The following EPS8 variants were observed in gnomAD, a reference collection of about 807,000 sequenced individuals.
EPS8 encodes EGFR pathway substrate 8, signaling adaptor, also known as epidermal growth factor receptor kinase substrate 8.
Under a neutral mutation model 103.8 loss-of-function variants are expected in EPS8, and 42 were observed. The ratio of observed to expected loss-of-function variants is 0.40; its 90% CI spans 0.32 to 0.52. The LOEUF is 0.52. EPS8 is among the 20% of genes least tolerant of loss of function. The probability of loss-of-function intolerance (pLI) is 0.40; values close to 1 mark genes in which losing one functional copy is unlikely to be tolerated. For missense variants in EPS8, 969 were observed against 1,005.1 expected, an observed-to-expected ratio of 0.96 and a Z score of 0.49; for synonymous variants, 344 against 344.6, an observed-to-expected ratio of 1.00 and a Z score of 0.02.
At chr12:15,670,025 T>C (rs1327975657) in intron 4 of EPS8, among the ~76,000 whole-genome samples, 200 bp from the exon 5 acceptor site, 1 of 152,198 alleles carries the variant, frequency 6.6e-6, no homozygotes, top group African/African-American at 2.4e-5. Flanking sequence ...GAAGAAATGG[T>C]GTTTTGACTC....
chr12:15,667,807 T>C (rs1462934689), intron 6 of EPS8, among the ~76,000 whole-genome samples: 3 of 152,114 alleles, frequency 2.0e-5, no homozygotes, highest in Non-Finnish European at 2.9e-5. Flanking sequence ...AATGAGTAAA[T>C]GCATACAGTG....
intron 1 of EPS8, among the ~76,000 whole-genome samples, chr12:15,689,660 T>C (rs1946145542): frequency 6.6e-6 from 1 of 152,248 alleles, no homozygotes; most frequent in Non-Finnish European, 1.5e-5. Context: ...AAACCCTCTC[T>C]GTTAGCTATT....
chr12:15,654,287 G>T lies in EPS8; in HGVS notation c.1108C>A (p.Gln370Lys). Residue 370 changes from glutamine to lysine, a missense_variant, in exon 13 of 21, where the codon CAG becomes AAG. Gln to Lys is a moderately conservative substitution (Grantham distance 53, BLOSUM62 1). Transcript: ENST00000281172. ...GCTAGTTCAGGACCTCCTGTTGCCT[G>T]CACCACCTAAGATAATAAACCATTT... Reference protein sequence around the residue: ...FLFTPLNMVVQATGGPELASS... With the variant: ...FLFTPLNMVVKATGGPELASS... 6.2e-7 allele frequency: 1 copy of T among 1,612,780 alleles called. No individual in the cohort carries two copies. The highest frequency in any genetic ancestry group is 8.5e-7 in the Non-Finnish European group (1 of 1,179,384).
At position 15,693,839 on chromosome 12, in the gene EPS8, CA is replaced by C. The variant is rs1217418244; in HGVS notation, c.-21-10868del. On this transcript the variant is annotated intron_variant, in intron 1 of 20. Transcript: ENST00000281172. The surrounding 1 kb of genome is among the most constrained non-coding windows in gnomAD (Gnocchi z 5.6). ...TTCTCACTCATAACTGAGAGCTGAA[CA>C]ATGAGAACACATGGACACAGGGAGG... Among the ~76,000 whole-genome samples, 1 of 152,076 alleles carries C rather than the reference CA, an allele frequency of 6.6e-6. No individual in the cohort carries two copies. Among genetic ancestry groups the C allele is most frequent in the Non-Finnish European group, 1.5e-5 (1 of 68,014 alleles).
intron 18 of EPS8, 39 bp from the exon 19 acceptor site, chr12:15,624,446 C>G (rs1274954818): frequency 6.9e-7 from 1 of 1,456,054 alleles, no homozygotes; most frequent in Non-Finnish European, 9.3e-7. Context: ...TTGAAAATCC[C>G]TAATATTACA....
At chr12:15,630,910 T>C (rs1264754440) in intron 18 of EPS8, among the ~76,000 whole-genome samples, 1 of 152,164 alleles carries the variant, frequency 6.6e-6, no homozygotes, top group Non-Finnish European at 1.5e-5. Context: ...TAGACATCAG[T>C]AGCATCCCCC....
rs768347228 is a variant in EPS8, at chr12:15,778,825, T to C, written c.-22+10336A>G. On this transcript the variant is annotated intron_variant, in intron 1 of 20. Transcript: ENST00000281172. The surrounding 1 kb of genome is among the most constrained non-coding windows in gnomAD (Gnocchi z 4.5). ...AGGTAGTGTTTTCATTTCTTCCATA[T>C]ATGAAAGAAACTATCAAATGCAGAG... Among the ~76,000 whole-genome samples the C allele has an allele frequency of 7.2e-5, 11 of 152,194 alleles. No individual in the cohort carries two copies. The highest frequency in any genetic ancestry group is 2.6e-4 in the Admixed American group (4 of 15,284).
chr12:15,620,505 T>G lies in EPS8; in HGVS notation c.*812A>C, dbSNP rs546524868. On this transcript the variant is annotated 3_prime_UTR_variant, in exon 21 of 21. Transcript: ENST00000281172. ...CCCCACTTCCTTTTAACTACTCATATCAACATTCAGAACTGAGGCTTTCAT... is the reference window on the plus strand; with the variant it reads ...CCCCACTTCCTTTTAACTACTCATAGCAACATTCAGAACTGAGGCTTTCAT... The G allele has an allele frequency of 1.0e-4, 16 of 152,760 alleles. No individual in the cohort carries two copies. The highest frequency in any genetic ancestry group is 3.8e-4 in the African/African-American group (16 of 41,590). The allele number at this position is 152,760 out of a possible 1,614,324, so 9.5% of individuals were successfully genotyped here. A position where few individuals can be genotyped will look rare whatever the true frequency, so the allele number is the denominator to read the frequency against.
rs928122863 is a variant in EPS8 at position 15,752,466 on chromosome 12, A to G, written c.-22+36695T>C. On this transcript the variant is annotated intron_variant, in intron 1 of 20. Coordinates refer to ENST00000281172, the MANE Select transcript of EPS8 (RefSeq NM_004447.6). The surrounding 1 kb of genome is among the most constrained non-coding windows in gnomAD (Gnocchi z 4.4). ...CATCTCAAAAAAAAAACAAAAACAAAAAAAATAAAAATAAATTCCCCTAAA... is the reference window on the plus strand; with the variant it reads ...CATCTCAAAAAAAAAACAAAAACAAGAAAAATAAAAATAAATTCCCCTAAA... Among the ~76,000 whole-genome samples the G allele has an allele frequency of 6.6e-6, 1 of 152,018 alleles. No homozygotes were observed. The highest frequency in any genetic ancestry group is 2.4e-5 in the African/African-American group (1 of 41,370).
intron 3 of EPS8, among the ~76,000 whole-genome samples, chr12:15,678,434 T>C (rs867748190): frequency 6.6e-6 from 1 of 152,194 alleles, no homozygotes. Context: ...ACTTCTCTCT[T>C]CCCTATAAAT....
chr12:15,774,890 TTAG>T (rs1947192770), intron 1 of EPS8, among the ~76,000 whole-genome samples: 1 of 151,922 alleles, frequency 6.6e-6, no homozygotes, highest in Non-Finnish European at 1.5e-5. Context: ...CCATGCATGC[TTAG>T]TATTTAAAAG....
At chr12:15,634,549 A>G (rs1945103804) in intron 17 of EPS8, among the ~76,000 whole-genome samples, 1 of 152,240 alleles carries the variant, frequency 6.6e-6, no homozygotes, top group Admixed American at 6.5e-5. Flanking sequence ...CAACAAAGCC[A>G]TTAAAATTGA....
chr12:15,624,317 G>A lies in EPS8; in HGVS notation c.2135C>T (p.Pro712Leu), dbSNP rs1004188080. The stretch of plus-strand genomic sequence containing the variant: ...ATTGATAACTGGCACGTTCTGCCGT[G>A]GCACATGGAATTTCTTCTGAGCGGC... ...RSAAQKKFHVPRQNVPVINIT... is the reference protein window; with the variant it reads ...RSAAQKKFHVLRQNVPVINIT... Residue 712 changes from proline (P) to leucine (L), a missense_variant, in exon 19 of 21, where the codon CCA (proline) becomes CTA (leucine). Physicochemically the swap from Pro to Leu is moderately conservative, Grantham distance 98 (BLOSUM62 -3). Coordinates refer to ENST00000281172, the MANE Select transcript of EPS8 (RefSeq NM_004447.6). 6.2e-7 allele frequency: 1 copy of A among 1,613,252 alleles called. No individual in the cohort carries two copies. The highest frequency in any genetic ancestry group is 1.3e-5 in the African/African-American group (1 of 74,882).
chr12:15,700,944 C>T lies in EPS8; in HGVS notation c.-21-17972G>A, dbSNP rs548911856. Among the ~76,000 whole-genome samples, 18 of 152,190 alleles carry T rather than the reference C, an allele frequency of 1.2e-4. No homozygotes were observed. The highest frequency in any genetic ancestry group is 1.5e-4 in the Non-Finnish European group (10 of 67,998). ...AGTAAAGAACATTTTCATAAACATA[C>T]GGTCAGGAGAAAGGAGACTTTAAAA... On this transcript the variant is annotated intron_variant, in intron 1 of 20. Transcript: ENST00000281172. This position sits in a 1 kb window ranked among gnomAD's most constrained non-coding sequence, Gnocchi z 5.1.
intron 20 of EPS8, among the ~76,000 whole-genome samples, chr12:15,622,076 G>C (rs1030253149): frequency 6.6e-6 from 1 of 152,178 alleles, no homozygotes; most frequent in African/African-American, 2.4e-5. Context: ...AGACCATCCT[G>C]AAGTGGGTGG....
intron 12 of EPS8, among the ~76,000 whole-genome samples, chr12:15,655,224 T>C (rs1480147667): frequency 4.6e-5 from 7 of 152,126 alleles, no homozygotes; most frequent in Non-Finnish European, 4.4e-5. Context: ...CCAACTCTTG[T>C]GAAAGCCTGT....
rs554035545 is a variant in EPS8 at position 15,772,229 on chromosome 12, A to G, written c.-22+16932T>C. Among the ~76,000 whole-genome samples the G allele has an allele frequency of 6.6e-6, 1 of 152,218 alleles. No individual in the cohort carries two copies. Among genetic ancestry groups the G allele is most frequent in the Non-Finnish European group, 1.5e-5 (1 of 68,018 alleles). On this transcript the variant is annotated intron_variant, in intron 1 of 20. Transcript: ENST00000281172. The surrounding 1 kb of genome is among the most constrained non-coding windows in gnomAD (Gnocchi z 5.0). ...TTTCTAAGGTTGTCATTTGGATAAAAGTCACTCCAAGTAGAGAGACAGAAA... is the reference window on the plus strand; with the variant it reads ...TTTCTAAGGTTGTCATTTGGATAAAGGTCACTCCAAGTAGAGAGACAGAAA...
At position 15,765,100 on chromosome 12, in the gene EPS8, A is replaced by C. The variant is rs562961574; in HGVS notation, c.-22+24061T>G. Among the ~76,000 whole-genome samples, 45 of 152,316 alleles carry C rather than the reference A, an allele frequency of 3.0e-4. No homozygotes were observed. The East Asian group carries it at 8.5e-3, about 29-fold the overall frequency. On this transcript the variant is annotated intron_variant, in intron 1 of 20. Coordinates refer to ENST00000281172, the MANE Select transcript of EPS8 (RefSeq NM_004447.6). ...TTAGAATTCCCAGAGAAATCCAAAC[A>C]AAAAGGAGCAGAGCCAATTTTTAGC...
chr12:15,658,248 C>T, intron 11 of EPS8, 95 bp from the exon 12 acceptor site: 1 of 796,502 alleles, frequency 1.3e-6, no homozygotes, highest in South Asian at 1.6e-5. Flanking sequence ...GTCTTTACCA[C>T]CAGATTCAGT....
Sources: allele counts gnomAD v4.1 joint callset (sites outside exome capture counted in the v4.1 genomes callset), GRCh38; gene constraint gnomAD v4.1.1; non-coding constraint Gnocchi (gnomAD v3.1); transcripts MANE v1.5; gene names NCBI Gene and HGNC (gene_info 2026-07-23, HGNC 2026-07-21).